Variants in GABRB2 observed in about 807,000 individuals in gnomAD.
The protein encoded by GABRB2 is gamma-aminobutyric acid type A receptor subunit beta2.
In GABRB2, 16 loss-of-function variants were observed where a neutral mutation model predicts 54.7. That is an observed-to-expected ratio of 0.29 (90% CI 0.20 to 0.44). The LOEUF is 0.44. GABRB2 is among the 20% of genes least tolerant of loss of function. The probability of loss-of-function intolerance (pLI) is 1.00; values close to 1 mark genes in which losing one functional copy is unlikely to be tolerated. For synonymous variants in GABRB2, 244 were observed against 233.8 expected (o/e 1.04, Z -0.40); for missense variants, 355 against 644.0 (o/e 0.55, Z 4.86).
intron 5 of GABRB2, among the ~76,000 whole-genome samples, chr5:161,358,669 G>A (rs1040192577): frequency 1.3e-4 from 20 of 152,154 alleles, no homozygotes; most frequent in African/African-American, 4.6e-4. Context: ...GTGGATTCTG[G>A]TAGGTGGGTA....
intron 9 of GABRB2, among the ~76,000 whole-genome samples, chr5:161,324,607 T>C (rs891268220): frequency 4.6e-5 from 7 of 152,076 alleles, no homozygotes; most frequent in African/African-American, 1.7e-4. Flanking sequence ...CCAGTTCATA[T>C]AGCTATAAAA....
At position 161,431,932 on chromosome 5, in the gene GABRB2, T is replaced by G. The variant is rs568991267; in HGVS notation, c.459-20875A>C. Among the ~76,000 whole-genome samples, 20 of 152,320 alleles carry G rather than the reference T, an allele frequency of 1.3e-4. No individual in the cohort carries two copies. In the East Asian group the frequency reaches 3.1e-3, roughly 24 times the overall value. Reference sequence around the variant, plus strand: ...TCATATGAAATGTTCAATAAAACTTTCCAGAATACTTTGAAGAACTAGGCC... The same window carrying G: ...TCATATGAAATGTTCAATAAAACTTGCCAGAATACTTTGAAGAACTAGGCC... On this transcript the variant is annotated intron_variant, in intron 4 of 9. Coordinates refer to ENST00000393959, the MANE Select transcript of GABRB2 (RefSeq NM_001371727.1).
rs1290133493 is a variant in GABRB2, at chr5:161,341,956, TATATATATATATAC to T, written c.542-5201_542-5188del. Among the ~76,000 whole-genome samples the T allele has an allele frequency of 6.2e-4, 47 of 76,042 alleles. 2 individuals carry two copies. The highest frequency in any genetic ancestry group is 4.2e-3 in the East Asian group (10 of 2,370). The allele number at this position is 76,042 out of a possible 152,430, so 49.9% of individuals were successfully genotyped here. A position where few individuals can be genotyped will look rare whatever the true frequency, so the allele number is the denominator to read the frequency against. ...TTTCTTTTATATATATATATATATA[TATATATATATATAC>T]ATACTTTATTATTATTTTTTCTAGT... On this transcript the variant is annotated intron_variant, in intron 5 of 9. Transcript: ENST00000393959.
At chr5:161,509,654 C>T (rs927676627) in intron 3 of GABRB2, among the ~76,000 whole-genome samples, 7 of 151,924 alleles carry the variant, frequency 4.6e-5, no homozygotes, top group African/African-American at 1.7e-4. Flanking sequence ...CTCTTCACAT[C>T]ACCACCTTCA....
chr5:161,480,065 T>A (rs1476705741), intron 3 of GABRB2, among the ~76,000 whole-genome samples: 2 of 152,038 alleles, frequency 1.3e-5, no homozygotes, highest in African/African-American at 4.8e-5. Flanking sequence ...CCACTGCCAC[T>A]ACCACTACCT....
At chr5:161,368,149 A>ACACACACG (rs749548536) in intron 5 of GABRB2, among the ~76,000 whole-genome samples, 4 of 148,964 alleles carry the variant, frequency 2.7e-5, no homozygotes, top group Non-Finnish European at 5.9e-5. Flanking sequence ...ACACACACAC[A>ACACACACG]CTCTTCCACC....
intron 5 of GABRB2, among the ~76,000 whole-genome samples, chr5:161,366,665 G>A (rs899049804): frequency 6.6e-6 from 1 of 152,144 alleles, no homozygotes. Flanking sequence ...TAAGAACAAG[G>A]CCAGGCGTGA....
At chr5:161,336,891 C>T in intron 5 of GABRB2, 122 bp from the exon 6 acceptor site, 1 of 1,022,626 alleles carries the variant, frequency 9.8e-7, no homozygotes, top group Non-Finnish European at 1.4e-6. Flanking sequence ...AAAGATATAG[C>T]TAAAGGCTGT....
intron 5 of GABRB2, among the ~76,000 whole-genome samples, chr5:161,341,693 T>C (rs1404233619): frequency 6.6e-6 from 1 of 151,450 alleles, no homozygotes. Context: ...TTTTAAAACA[T>C]TTACACAATA....
chr5:161,433,375 G>A lies in GABRB2; in HGVS notation c.459-22318C>T, dbSNP rs547447773. On this transcript the variant is annotated intron_variant, in intron 4 of 9. Transcript: ENST00000393959. ...AGCACTCTGGGAGACTGAGGTGGGCGGCCTGCTTGAGCCCAGGAGTTTGAG... is the reference window on the plus strand; with the variant it reads ...AGCACTCTGGGAGACTGAGGTGGGCAGCCTGCTTGAGCCCAGGAGTTTGAG... Among the ~76,000 whole-genome samples, 191 of 151,634 alleles carry A rather than the reference G, an allele frequency of 1.3e-3. 1 individual carries two copies. Among genetic ancestry groups the A allele is most frequent in the Non-Finnish European group, 2.4e-3 (160 of 67,920 alleles).
intron 5 of GABRB2, among the ~76,000 whole-genome samples, chr5:161,348,139 A>G (rs1754372541): frequency 6.6e-6 from 1 of 152,118 alleles, no homozygotes; most frequent in Non-Finnish European, 1.5e-5. Context: ...TTTTGGTCTT[A>G]GAATCCCTTT....
In GABRB2 at chr5:161,538,366, A is replaced by G. The variant is rs1760708292; in HGVS notation, c.237+6861T>C. On this transcript the variant is annotated intron_variant, in intron 3 of 9. Transcript: ENST00000393959. The stretch of plus-strand genomic sequence containing the variant: ...AATACGTAAAATATAAACCATTTGA[A>G]ATACCAAATACCCAGACAAGTGACA... 2.0e-5 allele frequency among the ~76,000 whole-genome samples: 3 copies of G among 152,224 alleles called. No homozygotes were observed. In the South Asian group the frequency reaches 6.2e-4, roughly 32 times the overall value.
chr5:161,376,047 C>T (rs1022302926), intron 5 of GABRB2, among the ~76,000 whole-genome samples: 3 of 151,986 alleles, frequency 2.0e-5, no homozygotes, highest in African/African-American at 7.3e-5. Context: ...ATTATTTATT[C>T]CATAATACCC....
intron 9 of GABRB2, among the ~76,000 whole-genome samples, chr5:161,324,486 G>C (rs1644517): frequency 0.3 from 45,544 of 151,938 alleles, 7,432 homozygotes; most frequent in African/African-American, 0.42. Context: ...CTCAGCAGTT[G>C]TATAAGACAG....
At chr5:161,533,284 T>C (rs925320530) in intron 3 of GABRB2, among the ~76,000 whole-genome samples, 1 of 152,168 alleles carries the variant, frequency 6.6e-6, no homozygotes, top group Non-Finnish European at 1.5e-5. Context: ...TAATAAAATA[T>C]ATATTTTTCA....
intron 4 of GABRB2, among the ~76,000 whole-genome samples, chr5:161,430,689 G>A (rs1757148543): frequency 6.6e-6 from 1 of 152,134 alleles, no homozygotes; most frequent in Non-Finnish European, 1.5e-5. Flanking sequence ...AAGAAAGAAA[G>A]AGAAATATTG....
At chr5:161,462,665 A>C (rs768697461) in intron 3 of GABRB2, among the ~76,000 whole-genome samples, 2 of 152,154 alleles carry the variant, frequency 1.3e-5, no homozygotes, top group Non-Finnish European at 2.9e-5. Flanking sequence ...GAGACCCTGC[A>C]TTACATGCTA....
intron 3 of GABRB2, among the ~76,000 whole-genome samples, chr5:161,526,787 A>G (rs181865566): frequency 2.6e-5 from 4 of 151,618 alleles, no homozygotes; most frequent in Non-Finnish European, 5.9e-5. Context: ...AACAAGAATT[A>G]TGTAAGACGT....
At chr5:161,302,864 G>A (rs1291030501) in intron 9 of GABRB2, among the ~76,000 whole-genome samples, 3 of 152,150 alleles carry the variant, frequency 2.0e-5, no homozygotes, top group Non-Finnish European at 4.4e-5. Flanking sequence ...TGAGAGCAAG[G>A]GAGGGCCAAC....
Sources: allele counts gnomAD v4.1 joint callset (sites outside exome capture counted in the v4.1 genomes callset), GRCh38; gene constraint gnomAD v4.1.1; transcripts MANE v1.5; gene names NCBI Gene and HGNC (gene_info 2026-07-23, HGNC 2026-07-21).